The following FNDC1 variants were observed in gnomAD, a reference collection of about 807,000 sequenced individuals.
FNDC1 encodes fibronectin type III domain containing 1.
In FNDC1, 96 loss-of-function variants were observed where a neutral mutation model predicts 168.0. The ratio of observed to expected loss-of-function variants is 0.57; its 90% CI spans 0.48 to 0.68. FNDC1 has a LOEUF of 0.68. FNDC1 is among the 30% of genes least tolerant of loss of function. The pLI, the probability that FNDC1 is intolerant of heterozygous loss-of-function variation, is 0.00. For synonymous variants in FNDC1, 1,099 were observed against 1,025.9 expected, an observed-to-expected ratio of 1.07 and a Z score of -1.36; for missense variants, 2,587 against 2,482.1, an observed-to-expected ratio of 1.04 and a Z score of -0.90.
chr6:159,236,343 G>C (rs372818994), intron 12 of FNDC1, 28 bp downstream of exon 12: 1 of 1,486,874 alleles, frequency 6.7e-7, no homozygotes, highest in African/African-American at 1.4e-5. Context: ...ACACATCCCC[G>C]TTGTTTTCAT....
chr6:159,216,768 TCTTA>T (rs1176422402), intron 5 of FNDC1, among the ~76,000 whole-genome samples: 3 of 152,242 alleles, frequency 2.0e-5, no homozygotes, highest in East Asian at 3.9e-4. Context: ...CCAGCTTGCT[TCTTA>T]CTTACTGTCA....
intron 1 of FNDC1, among the ~76,000 whole-genome samples, chr6:159,195,330 A>T (rs1389642021): frequency 7.0e-6 from 1 of 142,998 alleles, no homozygotes; most frequent in African/African-American, 2.5e-5. Flanking sequence ...GTCGATGAGG[A>T]TGCGCAGCCC....
chr6:159,200,681 C>T (rs750931536), intron 4 of FNDC1, 100 bp downstream of exon 4: 30 of 907,472 alleles, frequency 3.3e-5, no homozygotes, highest in Non-Finnish European at 4.6e-5. Context: ...CAAACCTTCA[C>T]TGAGTTCCCA....
At position 159,229,946 on chromosome 6, in the gene FNDC1, A is replaced by G. The variant is rs509648; in HGVS notation, c.1312A>G (p.Thr438Ala). 0.28 allele frequency: 458,032 copies of G among 1,613,354 alleles called. 78,307 individuals carry two copies. The highest frequency in any genetic ancestry group is 0.75 in the East Asian group (33,621 of 44,858). The change falls in exon 10 of 23, where the codon ACA becomes GCA. Residue 438 changes from threonine to alanine, a missense_variant. Physicochemically the swap from Thr to Ala is moderately conservative, Grantham distance 58. Transcript: ENST00000297267. ...ACGCTATCTTTTCAAAATCCGGGCC[A>G]CAAACAGGAGAGGCCTGGGACCTCA... ...GERYLFKIRA[T>A]NRRGLGPHSK... is the part of the protein sequence containing the mutation.
intron 1 of FNDC1, among the ~76,000 whole-genome samples, chr6:159,194,874 T>G (rs1782212208): frequency 6.6e-6 from 1 of 152,130 alleles, no homozygotes; most frequent in Admixed American, 6.6e-5. Flanking sequence ...GTCTCCTGTT[T>G]GTCTTTTTGT....
intron 14 of FNDC1, chr6:159,243,216 A>G (rs544482394): frequency 3.2e-4 from 49 of 152,026 alleles, no homozygotes; most frequent in African/African-American, 1.1e-3. Flanking sequence ...CTGATAATAG[A>G]TGATATATAT....
At position 159,265,829 on chromosome 6, in the gene FNDC1, G is replaced by A. The variant is rs537601083; in HGVS notation, c.5285-255G>A. Among the ~76,000 whole-genome samples the A allele has an allele frequency of 2.0e-5, 3 of 152,294 alleles. No homozygotes were observed. The South Asian group carries it at 6.2e-4, about 32-fold the overall frequency. On this transcript the variant is annotated intron_variant, in intron 20 of 22. Transcript: ENST00000297267. ...TGTAATCCCAGCTATTCAGGAGGCT[G>A]CGGCAGGATAATCCCTTGAACCCGG...
rs763043112 is a variant in FNDC1, at chr6:159,238,558, T to C, written c.4073T>C (p.Val1358Ala). The C allele has an allele frequency of 2.5e-6, 4 of 1,606,870 alleles. No individual in the cohort carries two copies. The highest frequency in any genetic ancestry group is 2.2e-5 in the East Asian group (1 of 44,838). ...TAATCTATGTCATGGATTTAGGTTG[T>C]GGACCTTGATCGTGGGTTAGTATTG... is the stretch of plus-strand genomic sequence containing the variant. Reference protein sequence around the residue: ...INGPQGTKWVVDLDRGLVLNA... With the variant: ...INGPQGTKWVADLDRGLVLNA... The change falls in exon 13 of 23, where the codon GTG (valine) becomes GCG (alanine). Residue 1358 changes from valine (V) to alanine (A), a missense_variant. Coordinates refer to ENST00000297267, the MANE Select transcript of FNDC1 (RefSeq NM_032532.3).
rs769434192 is a variant in FNDC1 at position 159,233,952 on chromosome 6, G to A, written c.3440G>A (p.Arg1147His). The change falls in exon 11 of 23, where the codon CGC becomes CAC. Residue 1147 changes from arginine (R) to histidine (H), a missense_variant. Arg to His is a conservative substitution (Grantham distance 29, BLOSUM62 0). Coordinates refer to ENST00000297267, the MANE Select transcript of FNDC1 (RefSeq NM_032532.3). The surrounding 1 kb of genome is among the most constrained non-coding windows in gnomAD (Gnocchi z 4.6). ...RPSRPGGPQSRARVPSRAAPG... is the reference protein window; with the variant it reads ...RPSRPGGPQSHARVPSRAAPG... Reference sequence around the variant, plus strand: ...AGCCGACCCGGCGGCCCCCAGTCCCGCGCCCGGGTACCCAGCAGGGCAGCG... The same window carrying A: ...AGCCGACCCGGCGGCCCCCAGTCCCACGCCCGGGTACCCAGCAGGGCAGCG... 2 of 1,569,590 alleles carry A rather than the reference G, an allele frequency of 1.3e-6. No homozygotes were observed. The highest frequency in any genetic ancestry group is 4.7e-5 in the East Asian group (2 of 42,898).
intron 4 of FNDC1, among the ~76,000 whole-genome samples, chr6:159,203,819 A>G (rs138323132): frequency 3.3e-5 from 5 of 152,120 alleles, no homozygotes; most frequent in African/African-American, 1.2e-4. Flanking sequence ...AGGGACACAG[A>G]CACATCCCCA....
intron 4 of FNDC1, among the ~76,000 whole-genome samples, chr6:159,213,779 C>T (rs2114965880): frequency 6.6e-6 from 1 of 152,036 alleles, no homozygotes; most frequent in East Asian, 1.9e-4. Context: ...ATGGTGTTCT[C>T]TTAGTAGCCT....
At chr6:159,256,440 T>C in intron 17 of FNDC1, 83 bp from the exon 18 acceptor site, 1 of 1,008,530 alleles carries the variant, frequency 9.9e-7, no homozygotes, top group Non-Finnish European at 1.5e-6. Flanking sequence ...CAGCTTTGCC[T>C]CACACCTGTC....
chr6:159,219,064 A>G (rs1431233333), intron 5 of FNDC1, among the ~76,000 whole-genome samples: 1 of 148,358 alleles, frequency 6.7e-6, no homozygotes, highest in Non-Finnish European at 1.5e-5. Flanking sequence ...TTTTTGTGAC[A>G]GGGTCTTGCT....
chr6:159,238,648 A>T lies in FNDC1; in HGVS notation c.4163A>T (p.Asp1388Val). The change falls in exon 13 of 23, where the codon GAT becomes GTT. Residue 1388 changes from aspartate to valine, a missense_variant. Physicochemically the swap from Asp to Val is radical, Grantham distance 152 (BLOSUM62 -3). Coordinates refer to ENST00000297267, the MANE Select transcript of FNDC1 (RefSeq NM_032532.3). ...CCTCTTCGGATTAAACTAGGAGGAG[A>T]TGGTCGAACCATTGTAGGTAAGGGA... ...GNPLRIKLGG[D>V]GRTIVDLEGT... The T allele has an allele frequency of 6.2e-7, 1 of 1,604,732 alleles. No individual in the cohort carries two copies.
At chr6:159,267,067 T>C (rs971903079) in intron 21 of FNDC1, among the ~76,000 whole-genome samples, 2 of 152,206 alleles carry the variant, frequency 1.3e-5, no homozygotes, top group African/African-American at 4.8e-5. Flanking sequence ...CATTTTGTTG[T>C]TGGTCAAAAA....
At chr6:159,171,981 G>A (rs1263023883) in intron 1 of FNDC1, among the ~76,000 whole-genome samples, 1 of 152,156 alleles carries the variant, frequency 6.6e-6, no homozygotes, top group Non-Finnish European at 1.5e-5. Flanking sequence ...TAAACTGCGG[G>A]TGTCTTACTG....
At chr6:159,237,894 T>G (rs1338144258) in intron 12 of FNDC1, among the ~76,000 whole-genome samples, 1 of 152,232 alleles carries the variant, frequency 6.6e-6, no homozygotes, top group Non-Finnish European at 1.5e-5. Flanking sequence ...ATTGTCTGCA[T>G]AATATTCTAC....
intron 4 of FNDC1, among the ~76,000 whole-genome samples, chr6:159,204,279 T>C (rs912372519): frequency 6.6e-6 from 1 of 152,192 alleles, no homozygotes; most frequent in Admixed American, 6.5e-5. Flanking sequence ...TGCCGCATAG[T>C]GGGTCTGTAT....
rs778239773 is a variant in FNDC1 at position 159,233,594 on chromosome 6, C to T, written c.3082C>T (p.Pro1028Ser). ...GPQSRDAGRSPSQPRLSLTQA... is the reference protein window; with the variant it reads ...GPQSRDAGRSSSQPRLSLTQA... ...CCAGAGCAGAGACGCGGGTCGGTCA[C>T]CTTCCCAGCCCAGGCTCTCACTGAC... The change falls in exon 11 of 23, where the codon CCT becomes TCT. Residue 1028 changes from proline (P) to serine (S), a missense_variant. Physicochemically the swap from Pro to Ser is moderately conservative, Grantham distance 74. Transcript: ENST00000297267. This position sits in a 1 kb window ranked among gnomAD's most constrained non-coding sequence, Gnocchi z 4.6. The T allele has an allele frequency of 6.3e-7, 1 of 1,579,640 alleles. No individual in the cohort carries two copies.
Sources: gnomAD v4.1 joint callset for allele counts (sites outside exome capture counted in the v4.1 genomes callset) on GRCh38, gnomAD v4.1.1 for gene constraint, Gnocchi (gnomAD v3.1) non-coding constraint, MANE v1.5 for transcripts, NCBI Gene and HGNC (gene_info 2026-07-23, HGNC 2026-07-21) for gene names.